SYCP2: variants seen among roughly 807,000 people sequenced by gnomAD.
The protein encoded by SYCP2 is synaptonemal complex lateral element protein.
SYCP2 carries 55 observed loss-of-function variants against 211.3 expected under a neutral mutation model. That is an observed-to-expected ratio of 0.26 (90% confidence interval 0.21 to 0.33). The LOEUF (loss-of-function observed/expected upper bound fraction) is 0.33, where lower values mean the gene tolerates loss of function less well. Ranked by LOEUF, SYCP2 falls within the 10% of genes least tolerant of loss-of-function variation. The pLI is 1.00. For missense variants in SYCP2, 1,731 were observed against 1,752.0 expected, an observed-to-expected ratio of 0.99 and a Z score of 0.21; for synonymous variants, 570 against 555.2, an observed-to-expected ratio of 1.03 and a Z score of -0.37.
chr20:59,924,759 A>G (rs1004014727), intron 2 of SYCP2, among the ~76,000 whole-genome samples: 2 of 152,064 alleles, frequency 1.3e-5, no homozygotes, highest in African/African-American at 4.8e-5. Context: ...CACAAACAAA[A>G]GAAAGCTAAT....
Position 59,892,430 on chromosome 20 carries a change from T to C in SYCP2, c.1928-4A>G, listed in dbSNP as rs777114609. The C allele has an allele frequency of 7.4e-6, 11 of 1,478,070 alleles. No homozygotes were observed. Among genetic ancestry groups the C allele is most frequent in the Admixed American group, 4.4e-5 (2 of 45,024 alleles). 91.6% of individuals were successfully genotyped at this position (1,478,070 alleles called of 1,614,324 possible). On this transcript the variant is annotated splice_polypyrimidine_tract_variant and splice_region_variant and intron_variant, in intron 23 of 44. Coordinates refer to ENST00000357552, the MANE Select transcript of SYCP2 (RefSeq NM_014258.4). ...AGTTTTTTATTTATAACAATATCTA[T>C]TGGGGAAAATGAGAAATTAATTCTT...
At chr20:59,886,944 G>C in intron 24 of SYCP2, 110 bp from the exon 25 acceptor site, 1 of 738,350 alleles carries the variant, frequency 1.4e-6, no homozygotes, top group South Asian at 2.1e-5. Context: ...TACCTGCGGA[G>C]AGAAATAAAG....
intron 2 of SYCP2, among the ~76,000 whole-genome samples, chr20:59,929,533 T>C (rs2015502210): frequency 6.6e-6 from 1 of 152,080 alleles, no homozygotes; most frequent in African/African-American, 2.4e-5. Context: ...TGAAATGTGG[T>C]GAGTGATGCA....
At chr20:59,928,010 T>G (rs1032267371) in intron 2 of SYCP2, among the ~76,000 whole-genome samples, 1 of 152,194 alleles carries the variant, frequency 6.6e-6, no homozygotes, top group African/African-American at 2.4e-5. Context: ...TCAATTACCT[T>G]GCAGTGCCTT....
intron 39 of SYCP2, 58 bp downstream of exon 39, chr20:59,867,653 A>G (rs2059377450): frequency 3.4e-6 from 5 of 1,468,538 alleles, no homozygotes; most frequent in Non-Finnish European, 2.8e-6. Flanking sequence ...GGTCTAGTAG[A>G]AAGTGTGGCA....
chr20:59,880,534 G>A (rs1002202946), intron 30 of SYCP2, 63 bp from the exon 31 acceptor site: 2 of 960,506 alleles, frequency 2.1e-6, no homozygotes, highest in Non-Finnish European at 2.9e-6. Context: ...TGCAAGGTAA[G>A]TTAAACCAAA....
intron 2 of SYCP2, among the ~76,000 whole-genome samples, chr20:59,923,144 C>T (rs141762577): frequency 6.6e-6 from 1 of 152,012 alleles, no homozygotes; most frequent in African/African-American, 2.4e-5. Context: ...AGAGAGATTC[C>T]ATGCTTATGA....
intron 32 of SYCP2, 88 bp downstream of exon 32, chr20:59,877,920 G>T (rs2059592482): frequency 2.9e-6 from 3 of 1,034,116 alleles, no homozygotes; most frequent in Admixed American, 4.3e-5. Flanking sequence ...CTGATAACAA[G>T]GATAAAATTA....
At position 59,891,925 on chromosome 20, in the gene SYCP2, C is replaced by G. The variant is rs550080153; in HGVS notation, c.2364+65G>C. 2.2e-6 allele frequency: 3 copies of G among 1,369,696 alleles called. No individual in the cohort carries two copies. The African/African-American group carries it at 4.4e-5, about 20-fold the overall frequency. 84.8% of individuals were successfully genotyped at this position (1,369,696 alleles called of 1,614,324 possible). ...GTGTAGCAATTAATCAAGTTTCTTT[C>G]TTTCTTATGTTATCAAGTAGGCATC... On this transcript the variant is annotated intron_variant, in intron 24 of 44. Coordinates refer to ENST00000357552, the MANE Select transcript of SYCP2 (RefSeq NM_014258.4).
Position 59,880,627 on chromosome 20 carries a change from T to C in SYCP2, c.2773-156A>G, listed in dbSNP as rs144016353. Among the ~76,000 whole-genome samples, 37 of 151,852 alleles carry C rather than the reference T, an allele frequency of 2.4e-4. No homozygotes were observed. In the East Asian group the frequency reaches 6.6e-3, roughly 27 times the overall value. On this transcript the variant is annotated intron_variant, in intron 30 of 44. Transcript: ENST00000357552. Reference sequence around the variant, plus strand: ...CTTAACATCCTAATTTAGGATGGCATTAATAACCTATCCAAGAAAGTCACT... The same window carrying C: ...CTTAACATCCTAATTTAGGATGGCACTAATAACCTATCCAAGAAAGTCACT...
chr20:59,873,107 AC>A (rs1303246779), intron 35 of SYCP2, among the ~76,000 whole-genome samples: 18 of 152,206 alleles, frequency 1.2e-4, no homozygotes, highest in Non-Finnish European at 2.5e-4. Flanking sequence ...TATACTATGC[AC>A]AGATTTCTTT....
At chr20:59,877,628 T>C (rs111329202) in intron 32 of SYCP2, 73 bp from the exon 33 acceptor site, 8 of 1,304,762 alleles carry the variant, frequency 6.1e-6, no homozygotes, top group African/African-American at 4.5e-5. Context: ...TGCTATAAAA[T>C]TGGCACTGTG....
At chr20:59,926,674 A>G (rs754593317) in intron 2 of SYCP2, among the ~76,000 whole-genome samples, 6 of 152,130 alleles carry the variant, frequency 3.9e-5, no homozygotes, top group Admixed American at 2.0e-4. Context: ...AATTCAACCC[A>G]TAACAGTCAC....
intron 14 of SYCP2, among the ~76,000 whole-genome samples, chr20:59,909,115 G>A (rs927119941): frequency 6.6e-6 from 1 of 151,846 alleles, no homozygotes; most frequent in Non-Finnish European, 1.5e-5. Flanking sequence ...CTTTTAATTT[G>A]TTCCCTTTTG....
intron 17 of SYCP2, 36 bp downstream of exon 17, chr20:59,900,708 G>GC (rs1469237660): frequency 2.0e-6 from 3 of 1,526,530 alleles, no homozygotes; most frequent in Non-Finnish European, 2.7e-6. Flanking sequence ...GTTAAACTTA[G>GC]CCCAGTGATA....
intron 33 of SYCP2, among the ~76,000 whole-genome samples, chr20:59,875,745 T>C (rs1034530601): frequency 2.0e-5 from 3 of 152,052 alleles, no homozygotes; most frequent in African/African-American, 7.2e-5. Context: ...TTAGGAAAAT[T>C]AGAAAGCATT....
intron 2 of SYCP2, among the ~76,000 whole-genome samples, chr20:59,926,696 C>A (rs2060640106): frequency 6.6e-6 from 1 of 152,030 alleles, no homozygotes; most frequent in Non-Finnish European, 1.5e-5. Context: ...ACATAAAGCC[C>A]AAACTTAATA....
intron 13 of SYCP2, 47 bp downstream of exon 13, chr20:59,912,326 C>CA: frequency 1.3e-6 from 1 of 764,784 alleles, no homozygotes; most frequent in Non-Finnish European, 2.1e-6. Flanking sequence ...ACTTGACTAT[C>CA]AAAATTCATG....
At chr20:59,870,048 A>C (rs1441160575) in intron 35 of SYCP2, 65 bp from the exon 36 acceptor site, 11 of 1,069,950 alleles carry the variant, frequency 1.0e-5, no homozygotes, top group Admixed American at 2.9e-5. Context: ...CCCCCACTTC[A>C]AAAAGAGTTG....
Sources: allele counts gnomAD v4.1 joint callset (sites outside exome capture counted in the v4.1 genomes callset), GRCh38; gene constraint gnomAD v4.1.1; transcripts MANE v1.5; gene names NCBI Gene and HGNC (gene_info 2026-07-23, HGNC 2026-07-21).